FGGY: variants seen among roughly 807,000 people sequenced by gnomAD.
FGGY encodes FGGY carbohydrate kinase domain-containing protein.
Under a neutral mutation model 71.3 loss-of-function variants are expected in FGGY, and 72 were observed. The observed-to-expected ratio is 1.01, with a 90% CI of 0.84 to 1.23. FGGY has a LOEUF of 1.23. FGGY is among the 50% of genes most tolerant of loss of function. FGGY has a pLI of 0.00. For missense variants in FGGY, 668 were observed against 682.3 expected, an observed-to-expected ratio of 0.98 and a Z score of 0.23; for synonymous variants, 251 against 250.3, an observed-to-expected ratio of 1.00 and a Z score of -0.02.
At chr1:59,451,816 C>T (rs184292156) in intron 5 of FGGY, among the ~76,000 whole-genome samples, 1 of 152,194 alleles carries the variant, frequency 6.6e-6, no homozygotes, top group Non-Finnish European at 1.5e-5. Context: ...ATAGTTTGTA[C>T]ATTATTCTAG....
At position 59,696,649 on chromosome 1, in the gene FGGY, TACCTCAC is replaced by T. The variant is rs1035166181; in HGVS notation, c.1512+22519_1512+22525del. On this transcript the variant is annotated intron_variant, in intron 14 of 15. Transcript: ENST00000303721. ...TTCAATTGTTTTCTTTCTGTCTACC[TACCTCAC>T]ACTGTGTCCTTCATCTCTCTGTCTA... is the stretch of plus-strand genomic sequence containing the variant. Among the ~76,000 whole-genome samples the T allele has an allele frequency of 5.9e-5, 9 of 152,208 alleles. 1 individual carries two copies. The highest frequency in any genetic ancestry group is 5.9e-4 in the Admixed American group (9 of 15,288).
intron 5 of FGGY, among the ~76,000 whole-genome samples, chr1:59,444,167 A>G (rs2070675103): frequency 1.3e-5 from 2 of 152,232 alleles, no homozygotes; most frequent in African/African-American, 4.8e-5. Flanking sequence ...TTTGCCATTA[A>G]AAACTGTAGG....
chr1:59,592,620 T>C (rs1421249653), intron 8 of FGGY, among the ~76,000 whole-genome samples: 2 of 152,004 alleles, frequency 1.3e-5, no homozygotes, highest in Non-Finnish European at 2.9e-5. Context: ...AATTGATGAG[T>C]TCATGTCCTT....
rs191609143 is a variant in FGGY at position 59,410,360 on chromosome 1, C to T, written c.554+31523C>T. Among the ~76,000 whole-genome samples, 510 of 152,204 alleles carry T rather than the reference C, an allele frequency of 3.4e-3. 1 individual carries two copies. The highest frequency in any genetic ancestry group is 0.011 in the African/African-American group (476 of 41,550). ...TTATGACAACTCTGTGAAGTTTTCT[C>T]AAATTTATATCTGAGAAAGCACTCA... On this transcript the variant is annotated intron_variant, in intron 5 of 15. Transcript: ENST00000303721.
intron 9 of FGGY, among the ~76,000 whole-genome samples, chr1:59,609,081 G>C (rs1388788607): frequency 6.6e-6 from 1 of 152,078 alleles, no homozygotes; most frequent in Non-Finnish European, 1.5e-5. Context: ...AGATAAATAA[G>C]GACAAACCAG....
chr1:59,506,974 TC>T (rs2094401425), intron 6 of FGGY, among the ~76,000 whole-genome samples: 1 of 152,248 alleles, frequency 6.6e-6, no homozygotes, highest in Non-Finnish European at 1.5e-5. Context: ...TTGTTGTTGT[TC>T]TTACAGCTGT....
chr1:59,312,178 A>G (rs1383091483), intron 1 of FGGY, among the ~76,000 whole-genome samples: 2 of 152,196 alleles, frequency 1.3e-5, no homozygotes, highest in African/African-American at 2.4e-5. Flanking sequence ...GTAGATTGCA[A>G]AAATTTTCTC....
At chr1:59,747,616 C>G (rs966820572) in intron 14 of FGGY, among the ~76,000 whole-genome samples, 10 of 152,166 alleles carry the variant, frequency 6.6e-5, no homozygotes, top group African/African-American at 2.2e-4. Context: ...CCCCCTCATT[C>G]TACTGATAAA....
intron 7 of FGGY, among the ~76,000 whole-genome samples, chr1:59,551,788 TTA>T (rs1471851613): frequency 5.9e-5 from 9 of 152,138 alleles, no homozygotes; most frequent in Admixed American, 2.0e-4. Flanking sequence ...ACCAATGACA[TTA>T]GTTTGTTGTA....
At chr1:59,657,961 T>C (rs1340584663) in intron 11 of FGGY, among the ~76,000 whole-genome samples, 1 of 152,178 alleles carries the variant, frequency 6.6e-6, no homozygotes, top group African/African-American at 2.4e-5. Context: ...TTTGTCCACC[T>C]GTACTTGTAG....
intron 14 of FGGY, among the ~76,000 whole-genome samples, chr1:59,678,048 G>A (rs2097454212): frequency 6.6e-6 from 1 of 152,158 alleles, no homozygotes; most frequent in African/African-American, 2.4e-5. Context: ...TTTCCTTTTA[G>A]TAGTTTTCAA....
intron 14 of FGGY, among the ~76,000 whole-genome samples, chr1:59,709,120 C>A (rs1280528007): frequency 6.6e-6 from 1 of 152,092 alleles, no homozygotes; most frequent in Non-Finnish European, 1.5e-5. Flanking sequence ...AGTCCATTTT[C>A]ACACTGCTAT....
chr1:59,410,790 C>G (rs2063498429), intron 5 of FGGY, among the ~76,000 whole-genome samples: 1 of 151,918 alleles, frequency 6.6e-6, no homozygotes, highest in African/African-American at 2.4e-5. Flanking sequence ...TTAATATCTT[C>G]TCATTAAAAA....
At chr1:59,539,402 G>T (rs913091682) in intron 7 of FGGY, among the ~76,000 whole-genome samples, 1 of 152,170 alleles carries the variant, frequency 6.6e-6, no homozygotes, top group Non-Finnish European at 1.5e-5. Context: ...TTGAGGGAAG[G>T]ACAGACAACC....
intron 5 of FGGY, among the ~76,000 whole-genome samples, chr1:59,383,532 G>A (rs74692121): frequency 0.01 from 1,550 of 152,158 alleles, 25 homozygotes; most frequent in African/African-American, 0.035. Context: ...GAAGGGTGTG[G>A]GTAAGACATT....
rs368885111 is a variant in FGGY at position 59,456,381 on chromosome 1, C to T, written c.555-580C>T. Among the ~76,000 whole-genome samples, 21 of 151,398 alleles carry T rather than the reference C, an allele frequency of 1.4e-4. No homozygotes were observed. The East Asian group carries it at 2.5e-3, about 18-fold the overall frequency. ...AATTATCTCACAAATGTCATGTAAA[C>T]GTAGATGTAAATACGAATATTCATA... is the stretch of plus-strand genomic sequence containing the variant. On this transcript the variant is annotated intron_variant, in intron 5 of 15. Transcript: ENST00000303721.
intron 5 of FGGY, among the ~76,000 whole-genome samples, chr1:59,452,989 T>C (rs1425424527): frequency 1.3e-5 from 2 of 152,246 alleles, no homozygotes; most frequent in East Asian, 1.9e-4. Flanking sequence ...CTGGTCTTAA[T>C]AGAAGACTCC....
chr1:59,562,351 A>T (rs997742471), intron 8 of FGGY, among the ~76,000 whole-genome samples: 16 of 152,226 alleles, frequency 1.1e-4, no homozygotes, highest in Non-Finnish European at 2.4e-4. Context: ...ACACAAAATA[A>T]TTATGCTGAG....
intron 8 of FGGY, among the ~76,000 whole-genome samples, chr1:59,600,159 G>T (rs1446765258): frequency 6.6e-6 from 1 of 152,144 alleles, no homozygotes; most frequent in Non-Finnish European, 1.5e-5. Flanking sequence ...AAATGATGAA[G>T]GGCTGGACTA....
Sources: allele counts gnomAD v4.1 joint callset (sites outside exome capture counted in the v4.1 genomes callset), GRCh38; gene constraint gnomAD v4.1.1; transcripts MANE v1.5; gene names NCBI Gene and HGNC (gene_info 2026-07-23, HGNC 2026-07-21).